SRGAP1: variants seen among roughly 807,000 people sequenced by gnomAD.
The protein encoded by SRGAP1 is SLIT-ROBO Rho GTPase activating protein 1, also known as SLIT-ROBO Rho GTPase-activating protein 1.
SRGAP1 carries 43 observed loss-of-function variants against 121.9 expected under a neutral mutation model. That is an observed-to-expected ratio of 0.35 (90% confidence interval 0.28 to 0.46). The LOEUF is 0.46. Ranked by LOEUF, SRGAP1 falls within the 20% of genes least tolerant of loss-of-function variation. SRGAP1 has a pLI of 1.00. For missense variants in SRGAP1, 1,102 were observed against 1,350.9 expected (o/e 0.82, Z 2.89); for synonymous variants, 447 against 485.4 (o/e 0.92, Z 1.04).
At chr12:63,867,527 A>C (rs879834852) in intron 1 of SRGAP1, among the ~76,000 whole-genome samples, 2 of 152,174 alleles carry the variant, frequency 1.3e-5, no homozygotes, top group Non-Finnish European at 2.9e-5. Flanking sequence ...AGCCAATTCA[A>C]ATTATGGCTA....
intron 1 of SRGAP1, among the ~76,000 whole-genome samples, chr12:63,950,507 C>T (rs1222537625): frequency 6.6e-6 from 1 of 152,020 alleles, no homozygotes; most frequent in Non-Finnish European, 1.5e-5. Flanking sequence ...ATGGCTCTAA[C>T]GTGCTGCACA....
At position 64,094,860 on chromosome 12, in the gene SRGAP1, C is replaced by T. The variant is rs145882082; in HGVS notation, c.1540-72C>T. On this transcript the variant is annotated intron_variant, in intron 12 of 21. Coordinates refer to ENST00000355086, the MANE Select transcript of SRGAP1 (RefSeq NM_020762.4). ...AAATCCCTCTTTAATTACTGTTAAA[C>T]TCTAAGCCTTATTATTATGAGGCAT... The T allele has an allele frequency of 4.3e-3, 6,052 of 1,396,728 alleles. 20 individuals carry two copies. Among genetic ancestry groups the T allele is most frequent in the Non-Finnish European group, 5.5e-3 (5,444 of 987,924 alleles). The allele number at this position is 1,396,728 out of a possible 1,614,324, so 86.5% of individuals were successfully genotyped here.
chr12:64,033,414 G>A (rs2034825847), intron 4 of SRGAP1, among the ~76,000 whole-genome samples: 1 of 152,070 alleles, frequency 6.6e-6, no homozygotes. Flanking sequence ...TGGTCTATTT[G>A]CTCATTCTAA....
At position 63,844,880 on chromosome 12, in the gene SRGAP1, A is replaced by C; in HGVS notation, c.64A>C (p.Lys22Gln). 6.2e-7 allele frequency: 1 copy of C among 1,614,092 alleles called. No individual in the cohort carries two copies. Among genetic ancestry groups the C allele is most frequent in the Non-Finnish European group, 8.5e-7 (1 of 1,179,938 alleles). ...EIIAEYESQV[K>Q]EIRAQLVEQQ... ...CATAGCCGAGTATGAAAGTCAAGTC[A>C]AAGGTAAGGATGGGAGCGGCTGCCT... The change falls in exon 1 of 22, where the codon AAA becomes CAA. Residue 22 changes from lysine (K) to glutamine (Q), a missense_variant. By Grantham distance (53) the Lys-to-Gln change is moderately conservative (BLOSUM62 1). Around this residue, in one of 3 missense-constraint regions of SRGAP1, gnomAD observed 747 missense variants for 929.4 expected, o/e 0.80. Coordinates refer to ENST00000355086, the MANE Select transcript of SRGAP1 (RefSeq NM_020762.4). The surrounding 1 kb of genome is among the most constrained non-coding windows in gnomAD (Gnocchi z 4.3).
chr12:63,990,596 G>A (rs1202552745), intron 3 of SRGAP1, among the ~76,000 whole-genome samples: 2 of 152,156 alleles, frequency 1.3e-5, no homozygotes, highest in Non-Finnish European at 2.9e-5. Context: ...GAATAAAAAA[G>A]TTAGGTATAA....
intron 16 of SRGAP1, among the ~76,000 whole-genome samples, chr12:64,111,510 A>T (rs1335326954): frequency 2.0e-5 from 3 of 152,150 alleles, no homozygotes; most frequent in Non-Finnish European, 4.4e-5. Context: ...CCTGGTCTCC[A>T]TTGTAGTGAA....
At chr12:63,965,358 A>G (rs1375095826) in intron 1 of SRGAP1, among the ~76,000 whole-genome samples, 1 of 152,260 alleles carries the variant, frequency 6.6e-6, no homozygotes, top group African/African-American at 2.4e-5. Flanking sequence ...ATTTATTTTA[A>G]AAAGATATAC....
intron 1 of SRGAP1, among the ~76,000 whole-genome samples, chr12:63,954,863 A>G (rs2032413542): frequency 6.6e-6 from 1 of 152,078 alleles, no homozygotes; most frequent in Non-Finnish European, 1.5e-5. Flanking sequence ...ATTAGTATAG[A>G]ACTGCCTCCA....
chr12:63,872,698 G>A (rs1899894979), intron 1 of SRGAP1, among the ~76,000 whole-genome samples: 1 of 152,132 alleles, frequency 6.6e-6, no homozygotes, highest in African/African-American at 2.4e-5. Context: ...ACAGGGATTT[G>A]TTTTTTTATT....
intron 10 of SRGAP1, chr12:64,080,635 G>A: frequency 1.9e-6 from 1 of 516,492 alleles, no homozygotes; most frequent in South Asian, 2.0e-5. Flanking sequence ...GATCTTCAGA[G>A]TGTGGTGCTC....
rs751295289 is a variant in SRGAP1 at position 64,159,809 on chromosome 12, G to C, written c.*17137G>C. 1 of 152,136 alleles carries C rather than the reference G, an allele frequency of 6.6e-6. No individual in the cohort carries two copies. Among genetic ancestry groups the C allele is most frequent in the Non-Finnish European group, 1.5e-5 (1 of 68,042 alleles). The allele number at this position is 152,136 out of a possible 1,614,324, so 9.4% of individuals were successfully genotyped here. On this transcript the variant is annotated 3_prime_UTR_variant, in exon 22 of 22. Transcript: ENST00000355086. ...GATGGTCATCCTGGAGAATTGTTTG[G>C]ACTCGAGTGGACTCTACAACAGCAG... is the stretch of plus-strand genomic sequence containing the variant.
chr12:64,069,572 C>T (rs1490075527), intron 8 of SRGAP1, among the ~76,000 whole-genome samples: 1 of 152,214 alleles, frequency 6.6e-6, no homozygotes, highest in Admixed American at 6.5e-5. Flanking sequence ...GCAGGGCCTG[C>T]TGCCACACAG....
At chr12:63,911,222 C>T (rs1160549292) in intron 1 of SRGAP1, among the ~76,000 whole-genome samples, 1 of 151,048 alleles carries the variant, frequency 6.6e-6, no homozygotes, top group Non-Finnish European at 1.5e-5. Context: ...TGGCGTGAAC[C>T]CAGGAGGCGG....
intron 17 of SRGAP1, among the ~76,000 whole-genome samples, chr12:64,112,214 G>A (rs568330920): frequency 4.6e-5 from 7 of 152,170 alleles, no homozygotes; most frequent in South Asian, 4.1e-4. Context: ...CTACCCTATC[G>A]TGGTTTTTGT....
intron 21 of SRGAP1, among the ~76,000 whole-genome samples, chr12:64,130,228 T>G (rs1282878744): frequency 6.6e-6 from 1 of 152,172 alleles, no homozygotes. Flanking sequence ...TCAGTCACCT[T>G]AGCCAACACT....
chr12:64,100,158 A>G (rs2036230884), intron 15 of SRGAP1, among the ~76,000 whole-genome samples: 1 of 152,188 alleles, frequency 6.6e-6, no homozygotes, highest in African/African-American at 2.4e-5. Flanking sequence ...TACTATTACA[A>G]TTACTCTGAC....
chr12:64,061,793 G>T (rs1165385044), intron 6 of SRGAP1, among the ~76,000 whole-genome samples: 1 of 152,048 alleles, frequency 6.6e-6, no homozygotes, highest in East Asian at 1.9e-4. Context: ...ATCATATGTG[G>T]TCTTTTGTGA....
In SRGAP1 at chr12:64,042,884, G is replaced by C. The variant is rs1432909172; in HGVS notation, c.584G>C (p.Arg195Thr). 3 of 1,613,644 alleles carry C rather than the reference G, an allele frequency of 1.9e-6. No homozygotes were observed. Among genetic ancestry groups the C allele is most frequent in the Non-Finnish European group, 2.5e-6 (3 of 1,179,788 alleles). ...AAACAAGAGGAAAAGCAAATTGGGA[G>C]ATCTGGTGATCCAGTCTTCCATATT... The part of the protein sequence containing the change: ...AEKQEEKQIG[R>T]SGDPVFHIRL... The change falls in exon 5 of 22, where the codon AGA (arginine) becomes ACA (threonine). Residue 195 changes from arginine to threonine, a missense_variant. Around this residue, in one of 3 missense-constraint regions of SRGAP1, gnomAD observed 747 missense variants for 929.4 expected, o/e 0.80. Transcript: ENST00000355086.
intron 21 of SRGAP1, among the ~76,000 whole-genome samples, chr12:64,141,257 A>C (rs1273140094): frequency 2.9e-5 from 4 of 137,862 alleles, no homozygotes; most frequent in Non-Finnish European, 6.1e-5. Flanking sequence ...ATGTACCCTA[A>C]AACTTAAAGT....
Sources: gnomAD v4.1 joint callset for allele counts (sites outside exome capture counted in the v4.1 genomes callset) on GRCh38, gnomAD v4.1.1 for gene constraint, gnomAD v4.1.1 regional missense constraint, Gnocchi (gnomAD v3.1) non-coding constraint, MANE v1.5 for transcripts, NCBI Gene and HGNC (gene_info 2026-07-23, HGNC 2026-07-21) for gene names.